Variants in LEMD3 observed in about 807,000 individuals in gnomAD.
LEMD3 encodes the protein LEM domain containing 3.
Under a neutral mutation model 95.2 loss-of-function variants are expected in LEMD3, and 33 were observed. The observed-to-expected ratio is 0.35, with a 90% CI of 0.26 to 0.46. The LOEUF (loss-of-function observed/expected upper bound fraction) is 0.46. Among genes scored for constraint, LEMD3 ranks in the 20% least tolerant of loss-of-function variants. The pLI is 1.00. For synonymous variants in LEMD3, 525 were observed against 474.6 expected (o/e 1.11, Z -1.38); for missense variants, 1,210 against 1,192.8 (o/e 1.01, Z -0.21).
chr12:65,195,173 T>C (rs766947142), intron 1 of LEMD3, among the ~76,000 whole-genome samples: 235 of 152,266 alleles, frequency 1.5e-3, no homozygotes, highest in Non-Finnish European at 2.1e-3. Flanking sequence ...CCTGTGGTTA[T>C]GGTGGGCCAG....
At chr12:65,236,765 G>A (rs1233484065) in intron 4 of LEMD3, among the ~76,000 whole-genome samples, 2 of 151,890 alleles carry the variant, frequency 1.3e-5, no homozygotes, top group Admixed American at 6.6e-5. Flanking sequence ...TTAATAAGGT[G>A]TTGATTAAAA....
At chr12:65,207,780 A>G (rs17224405) in intron 1 of LEMD3, among the ~76,000 whole-genome samples, 10,724 of 152,234 alleles carry the variant, frequency 0.07, 478 homozygotes, top group East Asian at 0.15. Flanking sequence ...CTCTTAAACT[A>G]GCAAAGCATA....
Position 65,239,910 on chromosome 12 carries a change from A to T in LEMD3, c.1922-19A>T, listed in dbSNP as rs764955492. 1 of 1,499,652 alleles carries T rather than the reference A, an allele frequency of 6.7e-7. No individual in the cohort carries two copies. The highest frequency in any genetic ancestry group is 9.3e-7 in the Non-Finnish European group (1 of 1,077,534). 92.9% of individuals were successfully genotyped at this position (1,499,652 alleles called of 1,614,324 possible). ...TATTGACCACAATTTTTAAAATACAAAGTATATTAATATTACAGGTGTAGT... is the reference window on the plus strand; with the variant it reads ...TATTGACCACAATTTTTAAAATACATAGTATATTAATATTACAGGTGTAGT... On this transcript the variant is annotated intron_variant, in intron 6 of 12. Transcript: ENST00000308330.
Position 65,204,658 on chromosome 12 carries a change from A to G in LEMD3, c.1523-6268A>G, listed in dbSNP as rs1565787782. On this transcript the variant is annotated intron_variant, in intron 1 of 12. Transcript: ENST00000308330. ...TGAATATATGTGTGCATATATCTTT[A>G]TAATAGAATGATTTATATTCCTTTG... 3.9e-5 allele frequency among the ~76,000 whole-genome samples: 6 copies of G among 152,244 alleles called. 1 individual carries two copies. The South Asian group carries it at 1.2e-3, about 32-fold the overall frequency.
Position 65,246,495 on chromosome 12 carries a change from A to C in LEMD3, c.*170A>C. 1.6e-6 allele frequency: 1 copy of C among 636,936 alleles called. No homozygotes were observed. Among genetic ancestry groups the C allele is most frequent in the Non-Finnish European group, 2.8e-6 (1 of 359,940 alleles). 39.5% of individuals were successfully genotyped at this position (636,936 alleles called of 1,614,324 possible). ...AAAGGGATTTAGCAGTGAGGCAGCA[A>C]TGCTGAGTAGGTAGGATAATTATTT... On this transcript the variant is annotated 3_prime_UTR_variant, in exon 13 of 13. Transcript: ENST00000308330.
At chr12:65,190,872 T>A (rs558302370) in intron 1 of LEMD3, among the ~76,000 whole-genome samples, 1 of 152,174 alleles carries the variant, frequency 6.6e-6, no homozygotes, top group South Asian at 2.1e-4. Flanking sequence ...TGAGAAAAGG[T>A]GTTTCATCTT....
intron 1 of LEMD3, among the ~76,000 whole-genome samples, chr12:65,188,478 A>G (rs1009308774): frequency 2.6e-5 from 4 of 152,170 alleles, no homozygotes; most frequent in African/African-American, 9.6e-5. Flanking sequence ...AAGACAAAAC[A>G]TAAGTGGAAA....
chr12:65,199,959 G>C (rs943772532), intron 1 of LEMD3, among the ~76,000 whole-genome samples: 3 of 151,856 alleles, frequency 2.0e-5, no homozygotes, highest in Non-Finnish European at 4.4e-5. Context: ...GATTGACGCT[G>C]ACTTCCTAGA....
At chr12:65,240,308 T>C (rs555294750) in intron 8 of LEMD3, 70 bp downstream of exon 8, 103 of 1,154,238 alleles carry the variant, frequency 8.9e-5, no homozygotes, top group Non-Finnish European at 7.3e-5. Context: ...TTGAAAATTA[T>C]ATTGAGAGCT....
At chr12:65,171,601 G>A (rs1454193660) in intron 1 of LEMD3, 8 of 184,092 alleles carry the variant, frequency 4.3e-5, no homozygotes, top group Admixed American at 1.1e-4. Context: ...ATATTTTGTG[G>A]TATTAACTGT....
intron 1 of LEMD3, among the ~76,000 whole-genome samples, chr12:65,208,186 T>C (rs965174320): frequency 6.6e-5 from 10 of 152,074 alleles, no homozygotes; most frequent in Admixed American, 6.6e-4. Flanking sequence ...AGGCTTGAAA[T>C]AATCTGAACT....
intron 4 of LEMD3, among the ~76,000 whole-genome samples, chr12:65,223,229 T>A (rs1362813933): frequency 2.0e-5 from 3 of 152,168 alleles, no homozygotes; most frequent in African/African-American, 4.8e-5. Flanking sequence ...TTTAGAATTG[T>A]TAAATCTTCC....
At chr12:65,189,116 AG>A (rs1389011209) in intron 1 of LEMD3, among the ~76,000 whole-genome samples, 2 of 152,182 alleles carry the variant, frequency 1.3e-5, no homozygotes, top group Admixed American at 1.3e-4. Context: ...ACCCAATGAT[AG>A]AATTGTAGCA....
Position 65,207,630 on chromosome 12 carries a change from A to G in LEMD3, c.1523-3296A>G, listed in dbSNP as rs141170603. Among the ~76,000 whole-genome samples, 306 of 152,262 alleles carry G rather than the reference A, an allele frequency of 2.0e-3. 6 individuals carry two copies. Among genetic ancestry groups the G allele is most frequent in the East Asian group, 0.012 (61 of 5,180 alleles). ...GCTGTAATTGACAGTGGTTCCATGT[A>G]TACAGAACAAAAAATTGTCATATTA... On this transcript the variant is annotated intron_variant, in intron 1 of 12. Transcript: ENST00000308330.
chr12:65,209,298 A>C (rs1319509360), intron 1 of LEMD3, among the ~76,000 whole-genome samples: 1 of 151,984 alleles, frequency 6.6e-6, no homozygotes. Context: ...TGTATAATCA[A>C]AAAAGCAATA....
At position 65,246,027 on chromosome 12, in the gene LEMD3, G is replaced by A. The variant is rs879129584; in HGVS notation, c.2572+88G>A. The A allele has an allele frequency of 3.8e-5, 50 of 1,306,424 alleles. No homozygotes were observed. The South Asian group carries it at 4.8e-4, about 13-fold the overall frequency. 80.9% of individuals were successfully genotyped at this position (1,306,424 alleles called of 1,614,324 possible). ...CCAGATTTCAAATAAAAGAATTTAG[G>A]TTAGCATTTTTTTGAGTAATAATTT... On this transcript the variant is annotated intron_variant, in intron 12 of 12. Transcript: ENST00000308330.
At position 65,169,671 on chromosome 12, in the gene LEMD3, C is replaced by G. The variant is rs767635681; in HGVS notation, c.75C>G (p.Gly25=). 3.8e-6 allele frequency: 6 copies of G among 1,586,524 alleles called. No individual in the cohort carries two copies. Among genetic ancestry groups the G allele is most frequent in the Admixed American group, 3.6e-5 (2 of 55,440 alleles). Residue 25 remains glycine (G), a synonymous_variant, in exon 1 of 13, where the codon GGC becomes GGG. Coordinates refer to ENST00000308330, the MANE Select transcript of LEMD3 (RefSeq NM_014319.5). ...EELFSQLRRY[G]LSPGPVTEST... is the part of the protein sequence containing the mutation. ...TTTTCTCTCAGCTCCGCCGTTACGG[C>G]CTGTCTCCCGGACCAGTGACGGAGA...
chr12:65,184,348 C>T (rs915932107), intron 1 of LEMD3, among the ~76,000 whole-genome samples: 1 of 152,162 alleles, frequency 6.6e-6, no homozygotes, highest in Non-Finnish European at 1.5e-5. Context: ...TGTTTTACTA[C>T]ACTGGTTTTA....
At chr12:65,176,935 A>G (rs1868738259) in intron 1 of LEMD3, among the ~76,000 whole-genome samples, 1 of 152,200 alleles carries the variant, frequency 6.6e-6, no homozygotes, top group South Asian at 2.1e-4. Flanking sequence ...TAACTCGGTA[A>G]TTGGTTATCT....
Sources: gnomAD v4.1 joint callset for allele counts (sites outside exome capture counted in the v4.1 genomes callset) on GRCh38, gnomAD v4.1.1 for gene constraint, MANE v1.5 for transcripts, NCBI Gene and HGNC (gene_info 2026-07-23, HGNC 2026-07-21) for gene names.